The following STK3 variants were observed in gnomAD, a reference collection of about 807,000 sequenced individuals.
STK3 encodes the protein serine/threonine-protein kinase 3.
Under a neutral mutation model 58.0 loss-of-function variants are expected in STK3, and 41 were observed. The ratio of observed to expected loss-of-function variants is 0.71; its 90% confidence interval spans 0.55 to 0.92. STK3 has a LOEUF of 0.92. Ranked by LOEUF, STK3 falls within the 40% of genes least tolerant of loss-of-function variation. The pLI, the probability that STK3 is intolerant of heterozygous loss-of-function variation, is 0.00. For missense variants in STK3, 479 were observed against 602.7 expected, an observed-to-expected ratio of 0.79 and a Z score of 2.15; for synonymous variants, 170 against 191.0, an observed-to-expected ratio of 0.89 and a Z score of 0.91.
intron 1 of STK3, among the ~76,000 whole-genome samples, chr8:98,794,840 G>A (rs1833023625): frequency 6.6e-6 from 1 of 151,766 alleles, no homozygotes. Context: ...GCCTAAGGCA[G>A]GTGGGTCACC....
intron 6 of STK3, among the ~76,000 whole-genome samples, chr8:98,666,244 A>G (rs193250744): frequency 5.3e-5 from 8 of 152,144 alleles, no homozygotes; most frequent in African/African-American, 1.7e-4. Flanking sequence ...GACATTTTCT[A>G]TATTAGCCTA....
At chr8:98,567,922 G>T (rs947937805) in intron 8 of STK3, among the ~76,000 whole-genome samples, 1 of 152,020 alleles carries the variant, frequency 6.6e-6, no homozygotes, top group South Asian at 2.1e-4. Flanking sequence ...CCCAGGCATG[G>T]TGGCAGGCGC....
At chr8:98,426,927 G>C (rs1474454186) in intron 3 of STK3, 1 of 151,500 alleles carries the variant, frequency 6.6e-6, no homozygotes, top group South Asian at 2.0e-4. Context: ...CCCGGGCGGC[G>C]GCCGAGGCAC....
At chr8:98,421,890 C>G (rs1718559297) in intron 3 of STK3, among the ~76,000 whole-genome samples, 1 of 152,040 alleles carries the variant, frequency 6.6e-6, no homozygotes, top group African/African-American at 2.4e-5. Flanking sequence ...GTGAAGAGCC[C>G]TCCAAGGATA....
At chr8:98,352,628 C>T in the STK3 span, among the ~76,000 whole-genome samples, 1 of 152,160 alleles carries the variant, frequency 6.6e-6, no homozygotes, top group South Asian at 2.1e-4. Flanking sequence ...CAAAGAGAGA[C>T]TTGCAAGACA....
At chr8:98,373,865 C>T (rs1163171356) in intron 2 of STK3, among the ~76,000 whole-genome samples, 1 of 152,172 alleles carries the variant, frequency 6.6e-6, no homozygotes, top group African/African-American at 2.4e-5. Context: ...TAGTAAGTAG[C>T]AGAGATGGGA....
chr8:98,816,986 G>C (rs934506947), intron 1 of STK3, among the ~76,000 whole-genome samples: 4 of 152,130 alleles, frequency 2.6e-5, no homozygotes, highest in African/African-American at 7.2e-5. Context: ...AAAGGTATCT[G>C]CCTTATAATA....
intron 6 of STK3, among the ~76,000 whole-genome samples, chr8:98,643,487 A>G (rs902623372): frequency 6.6e-6 from 1 of 152,122 alleles, no homozygotes; most frequent in African/African-American, 2.4e-5. Flanking sequence ...TTTAGCTTAG[A>G]TATCTCCTTC....
At chr8:98,402,770 G>C (rs1049120124) in intron 3 of STK3, among the ~76,000 whole-genome samples, 2 of 152,190 alleles carry the variant, frequency 1.3e-5, no homozygotes, top group African/African-American at 4.8e-5. Flanking sequence ...ACTCTGCCAG[G>C]TGGTACTTGC....
At chr8:98,400,770 C>CT (rs200055444), downstream of STK3, among the ~76,000 whole-genome samples, 102 of 147,988 alleles carry the variant, frequency 6.9e-4, 1 homozygote, top group East Asian at 0.014. Context: ...AATATTTTGT[C>CT]TTTTTTAAAA....
At position 98,535,200 on chromosome 8, in the gene STK3, AACC is replaced by A. The variant is rs1299762429; in HGVS notation, c.1142-8286_1142-8284del. 5.9e-5 allele frequency among the ~76,000 whole-genome samples: 9 copies of A among 152,286 alleles called. No homozygotes were observed. In the East Asian group the frequency reaches 1.5e-3, roughly 26 times the overall value. On this transcript the variant is annotated intron_variant, in intron 9 of 10. Transcript: ENST00000419617. Reference sequence around the variant, plus strand: ...CTGCTGGAAAAGTAAGAAACTCCTAAACCACCATTATCAACTGCATTTGATAAT... The same window carrying A: ...CTGCTGGAAAAGTAAGAAACTCCTAAACCATTATCAACTGCATTTGATAAT...
chr8:98,760,332 G>A (rs1472632929), intron 3 of STK3, among the ~76,000 whole-genome samples: 1 of 152,030 alleles, frequency 6.6e-6, no homozygotes, highest in East Asian at 1.9e-4. Flanking sequence ...TACAGACAGG[G>A]TCTCACTACG....
At chr8:98,940,565 G>A (rs1476043749) in intron 1 of STK3, among the ~76,000 whole-genome samples, 1 of 152,136 alleles carries the variant, frequency 6.6e-6, no homozygotes, top group African/African-American at 2.4e-5. Context: ...GGTTCCTGCA[G>A]TGAGGAACGA....
chr8:98,755,245 C>T (rs1290015745), intron 3 of STK3, among the ~76,000 whole-genome samples: 1 of 152,234 alleles, frequency 6.6e-6, no homozygotes, highest in Non-Finnish European at 1.5e-5. Context: ...CCAGGCATTT[C>T]ACCAGATGTT....
Position 98,912,874 on chromosome 8 carries a change from T to A in STK3, c.-78-29040A>T, listed in dbSNP as rs537459086. On this transcript the variant is annotated intron_variant, in intron 1 of 1. Transcript: ENST00000519420. ...TAGTTTTGAGTGGTTGTGTTTTTTT[T>A]GTTTTTTGTTTTTTTGACAAAGTCT... Among the ~76,000 whole-genome samples, 6 of 152,332 alleles carry A rather than the reference T, an allele frequency of 3.9e-5. No homozygotes were observed. In the South Asian group the frequency reaches 1.2e-3, roughly 32 times the overall value.
intron 1 of STK3, among the ~76,000 whole-genome samples, chr8:98,790,469 C>T (rs1463844365): frequency 6.6e-6 from 1 of 152,132 alleles, no homozygotes; most frequent in Non-Finnish European, 1.5e-5. Flanking sequence ...ACTCCAACAT[C>T]CCTCTATGAT....
intron 10 of STK3, among the ~76,000 whole-genome samples, chr8:98,499,940 C>G (rs1246745979): frequency 6.6e-6 from 1 of 152,072 alleles, no homozygotes; most frequent in Admixed American, 6.6e-5. Context: ...AGATGTAAAT[C>G]CTTGGAGACA....
rs781316152 is a variant in STK3 at position 98,428,758 on chromosome 8, T to C, written n.483+5369A>G. 5 of 1,614,218 alleles carry C rather than the reference T, an allele frequency of 3.1e-6. No individual in the cohort carries two copies. Among genetic ancestry groups the C allele is most frequent in the Non-Finnish European group, 4.2e-6 (5 of 1,180,046 alleles). On this transcript the variant is annotated intron_variant and non_coding_transcript_variant, in intron 3 of 3. Coordinates refer to the STK3 transcript ENST00000517832. The surrounding 1 kb of genome is among the most constrained non-coding windows in gnomAD (Gnocchi z 6.7). ...TTCCTCAAGTTCTTCAAGAATGCCC[T>C]AAACCTTATTGACCTCATGTCCATC...
chr8:98,462,192 T>C (rs1820040060), intron 10 of STK3, among the ~76,000 whole-genome samples: 1 of 152,158 alleles, frequency 6.6e-6, no homozygotes, highest in Admixed American at 6.5e-5. Flanking sequence ...ATTCTTTTTA[T>C]TTTTTATTTT....
Sources: gnomAD v4.1 joint callset for allele counts (sites outside exome capture counted in the v4.1 genomes callset) on GRCh38, gnomAD v4.1.1 for gene constraint, Gnocchi (gnomAD v3.1) non-coding constraint, MANE v1.5 for transcripts, NCBI Gene and HGNC (gene_info 2026-07-23, HGNC 2026-07-21) for gene names.